The following OR7A5 variants were observed in gnomAD, a reference collection of about 807,000 sequenced individuals.
OR7A5 encodes the protein olfactory receptor 7A5.
For synonymous variants in OR7A5, 140 were observed against 146.7 expected (o/e 0.95, Z 0.33); for missense variants, 319 against 377.9 (o/e 0.84, Z 1.29).
In OR7A5 at chr19:14,826,361, A is replaced by G. The variant is rs375119512; in HGVS notation, c.*921T>C. The G allele has an allele frequency of 1.3e-5, 2 of 152,208 alleles. No individual in the cohort carries two copies. Among genetic ancestry groups the G allele is most frequent in the Admixed American group, 1.3e-4 (2 of 15,268 alleles). The allele number at this position is 152,208 out of a possible 1,614,324, so 9.4% of individuals were successfully genotyped here. ...ACCTGCACTTTAATGTTTACGACAA[A>G]ATTTTATAATGAAGGAGGTATTTTG... On this transcript the variant is annotated 3_prime_UTR_variant, in exon 2 of 2. Coordinates refer to ENST00000322301, the MANE Select transcript of OR7A5 (RefSeq NM_017506.2).
At position 14,828,249 on chromosome 19, in the gene OR7A5, A is replaced by G; in HGVS notation, c.-8T>C. 6.2e-7 allele frequency: 1 copy of G among 1,605,340 alleles called. No homozygotes were observed. The highest frequency in any genetic ancestry group is 1.1e-5 in the South Asian group (1 of 89,600). On this transcript the variant is annotated 5_prime_UTR_variant, in exon 2 of 2. Coordinates refer to ENST00000322301, the MANE Select transcript of OR7A5 (RefSeq NM_017506.2). ...ATCATTTCCTGGTTCCATTTGATTG[A>G]AGTGACTATCAGAGAGAGAGAGAGA...
At position 14,829,178 on chromosome 19, in the gene OR7A5, G is replaced by C. The variant is rs145305222; in HGVS notation, c.-13-924C>G. Among the ~76,000 whole-genome samples, 15 of 152,300 alleles carry C rather than the reference G, an allele frequency of 9.8e-5. No individual in the cohort carries two copies. In the East Asian group the frequency reaches 2.5e-3, roughly 25 times the overall value. On this transcript the variant is annotated intron_variant, in intron 1 of 1. Transcript: ENST00000322301. ...TGGGTGCCTGGCAGGAGGAATGGCA[G>C]TACAAAAACTTTGAGGGATGTGCTT...
intron 1 of OR7A5, among the ~76,000 whole-genome samples, chr19:14,832,976 C>T (rs1359814714): frequency 6.6e-6 from 1 of 152,144 alleles, no homozygotes; most frequent in African/African-American, 2.4e-5. Flanking sequence ...AACTCTTGCA[C>T]AGAGCAGATG....
rs2044771771 is a variant in OR7A5 at position 14,826,758 on chromosome 19, T to C, written c.*524A>G. On this transcript the variant is annotated 3_prime_UTR_variant, in exon 2 of 2. Coordinates refer to ENST00000322301, the MANE Select transcript of OR7A5 (RefSeq NM_017506.2). The stretch of plus-strand genomic sequence containing the variant: ...CTATGCCAGGGAGTATGGCAGATAC[T>C]GTGGACATGGCACTGACAAAGACAT... The C allele has an allele frequency of 6.6e-6, 1 of 152,402 alleles. No individual in the cohort carries two copies. The highest frequency in any genetic ancestry group is 2.4e-5 in the African/African-American group (1 of 41,462). 9.4% of individuals were successfully genotyped at this position (152,402 alleles called of 1,614,324 possible).
At chr19:14,829,383 A>C (rs577175170) in intron 1 of OR7A5, among the ~76,000 whole-genome samples, 1 of 152,240 alleles carries the variant, frequency 6.6e-6, no homozygotes, top group South Asian at 2.1e-4. Context: ...TTGTATTTTT[A>C]GTAGAGACGG....
rs770812578 is a variant in OR7A5, at chr19:14,827,855, G to A, written c.387C>T (p.Pro129=). 3.7e-6 allele frequency: 6 copies of A among 1,614,182 alleles called. No homozygotes were observed. The East Asian group carries it at 1.1e-4, about 30-fold the overall frequency. ...AYDRFVAICH[P]LHYMVIMNPH... is the part of the protein sequence containing the mutation. ...GGTTCATAATGACCATGTAGTGCAG[G>A]GGGTGACAGATGGCCACAAACCGGT... Residue 129 remains proline, a synonymous_variant, in exon 2 of 2, where the codon CCC becomes CCT. Transcript: ENST00000322301.
At position 14,827,112 on chromosome 19, in the gene OR7A5, G is replaced by A; in HGVS notation, c.*170C>T. 1.7e-6 allele frequency: 1 copy of A among 573,300 alleles called. No individual in the cohort carries two copies. The highest frequency in any genetic ancestry group is 3.3e-5 in the East Asian group (1 of 30,558). 35.5% of individuals were successfully genotyped at this position (573,300 alleles called of 1,614,324 possible). On this transcript the variant is annotated 3_prime_UTR_variant, in exon 2 of 2. Coordinates refer to ENST00000322301, the MANE Select transcript of OR7A5 (RefSeq NM_017506.2). ...AGAGAAAAAACTGTTGGATATCAGA[G>A]AGCAGAAAGCTTAATAAAAGGAGTT...
intron 1 of OR7A5, among the ~76,000 whole-genome samples, chr19:14,833,829 G>A (rs190886260): frequency 5.9e-5 from 9 of 152,334 alleles, no homozygotes; most frequent in Admixed American, 5.9e-4. Context: ...AGCGGGGATG[G>A]AGTGGGGAAC....
intron 1 of OR7A5, 162 bp from the exon 2 acceptor site, chr19:14,828,416 T>G: frequency 1.4e-6 from 1 of 705,560 alleles, no homozygotes; most frequent in Non-Finnish European, 2.3e-6. Flanking sequence ...GATTAGGAAC[T>G]CCTTCCCACT....
chr19:14,831,601 T>C (rs8113118), intron 1 of OR7A5, among the ~76,000 whole-genome samples: 29,243 of 151,948 alleles, frequency 0.19, 3,473 homozygotes, highest in African/African-American at 0.33. Context: ...CCCGCCACTG[T>C]GCCCGGCTAA....
At chr19:14,830,536 A>G (rs892019534) in intron 1 of OR7A5, among the ~76,000 whole-genome samples, 17 of 152,208 alleles carry the variant, frequency 1.1e-4, no homozygotes, top group African/African-American at 4.1e-4. Flanking sequence ...TTCAGCTTCC[A>G]TTGTATCTCC....
At chr19:14,828,366 A>T in intron 1 of OR7A5, 112 bp from the exon 2 acceptor site, 1 of 1,129,772 alleles carries the variant, frequency 8.9e-7, no homozygotes, top group Non-Finnish European at 1.2e-6. Context: ...CATTTTGTGT[A>T]TGAATCTGGT....
At chr19:14,833,016 A>G (rs2044849397) in intron 1 of OR7A5, among the ~76,000 whole-genome samples, 1 of 152,228 alleles carries the variant, frequency 6.6e-6, no homozygotes, top group African/African-American at 2.4e-5. Flanking sequence ...ATGAATCAGG[A>G]CTTTGTTCTC....
Position 14,827,192 on chromosome 19 carries a change from A to AT in OR7A5, c.*89dup. 2 of 1,277,636 alleles carry AT rather than the reference A, an allele frequency of 1.6e-6. No individual in the cohort carries two copies. The highest frequency in any genetic ancestry group is 2.1e-6 in the Non-Finnish European group (2 of 967,786). 79.1% of individuals were successfully genotyped at this position (1,277,636 alleles called of 1,614,324 possible). A position where few individuals can be genotyped will look rare whatever the true frequency, so the allele number is the denominator to read the frequency against. On this transcript the variant is annotated 3_prime_UTR_variant, in exon 2 of 2. Transcript: ENST00000322301. ...ACAACAAATTGAAACTCCCAGAAATATAATAAGTATTAATAGAAGGAGCAA... is the reference window on the plus strand; with the variant it reads ...ACAACAAATTGAAACTCCCAGAAATATTAATAAGTATTAATAGAAGGAGCAA...
Position 14,826,252 on chromosome 19 carries a change from T to C in OR7A5, c.*1030A>G, listed in dbSNP as rs865782311. 1 of 152,148 alleles carries C rather than the reference T, an allele frequency of 6.6e-6. No homozygotes were observed. 9.4% of individuals were successfully genotyped at this position (152,148 alleles called of 1,614,324 possible). A position where few individuals can be genotyped will look rare whatever the true frequency, so the allele number is the denominator to read the frequency against. ...GGAGAAGCTCAAGGTTTTGTGTGAG[T>C]CATTCTTTAATCATGAGTATTTAAG... is the stretch of plus-strand genomic sequence containing the variant. On this transcript the variant is annotated 3_prime_UTR_variant, in exon 2 of 2. Transcript: ENST00000322301.
chr19:14,830,073 G>A (rs1228023914), intron 1 of OR7A5, among the ~76,000 whole-genome samples: 3 of 152,148 alleles, frequency 2.0e-5, no homozygotes, highest in Non-Finnish European at 4.4e-5. Context: ...ATGTTGCCCA[G>A]GCTGGTCTTG....
At chr19:14,829,627 A>G (rs2044811700) in intron 1 of OR7A5, among the ~76,000 whole-genome samples, 2 of 152,218 alleles carry the variant, frequency 1.3e-5, no homozygotes, top group Non-Finnish European at 2.9e-5. Context: ...CCTGGCTGTC[A>G]AAACATCAAG....
chr19:14,829,683 T>C (rs78754284), intron 1 of OR7A5, among the ~76,000 whole-genome samples: 6,078 of 152,310 alleles, frequency 0.04, 195 homozygotes, highest in African/African-American at 0.089. Flanking sequence ...CTGCACTTTA[T>C]TAACTGGACT....
chr19:14,832,980 G>A (rs1375496160), intron 1 of OR7A5, among the ~76,000 whole-genome samples: 1 of 152,178 alleles, frequency 6.6e-6, no homozygotes, highest in Non-Finnish European at 1.5e-5. Context: ...CTTGCACAGA[G>A]CAGATGCTCA....
Sources: gnomAD v4.1 joint callset for allele counts (sites outside exome capture counted in the v4.1 genomes callset) on GRCh38, gnomAD v4.1.1 for gene constraint, MANE v1.5 for transcripts, NCBI Gene and HGNC (gene_info 2026-07-23, HGNC 2026-07-21) for gene names.